The following CNBD1 variants were observed in gnomAD, a reference collection of about 807,000 sequenced individuals.
The protein encoded by CNBD1 is cyclic nucleotide-binding domain-containing protein 1.
A neutral mutation model predicts 54.4 loss-of-function variants in CNBD1; 71 were observed. That is an observed-to-expected ratio of 1.30 (90% confidence interval 1.08 to 1.59). CNBD1 has a LOEUF of 1.59. CNBD1 is among the 40% of genes most tolerant of loss of function. The pLI is 0.00. For synonymous variants in CNBD1, 182 were observed against 170.7 expected, an observed-to-expected ratio of 1.07 and a Z score of -0.51; for missense variants, 659 against 518.0, an observed-to-expected ratio of 1.27 and a Z score of -2.64.
In CNBD1 at chr8:87,137,170, A is replaced by G. The variant is rs1057297001; in HGVS notation, c.432-68823A>G. ...TATTTTTATTCTATATAAATTATAT[A>G]TATTATATTTTTATTCTATATAAAT... On this transcript the variant is annotated intron_variant, in intron 4 of 10. Transcript: ENST00000518476. Among the ~76,000 whole-genome samples the G allele has an allele frequency of 7.9e-5, 11 of 138,926 alleles. 1 individual carries two copies. The highest frequency in any genetic ancestry group is 6.6e-4 in the South Asian group (3 of 4,572). 91.1% of individuals were successfully genotyped at this position (138,926 alleles called of 152,430 possible).
At chr8:86,980,256 G>A (rs1808451520) in intron 4 of CNBD1, among the ~76,000 whole-genome samples, 1 of 152,214 alleles carries the variant, frequency 6.6e-6, no homozygotes, top group Non-Finnish European at 1.5e-5. Flanking sequence ...CCTTGACTGG[G>A]AGAAGTATTG....
intron 6 of CNBD1, among the ~76,000 whole-genome samples, chr8:87,250,422 C>CA (rs1807892138): frequency 6.6e-6 from 1 of 152,120 alleles, no homozygotes; most frequent in African/African-American, 2.4e-5. Context: ...GGGAGTTCCT[C>CA]AAAAATATAA....
intron 4 of CNBD1, among the ~76,000 whole-genome samples, chr8:87,181,368 A>G (rs1813307620): frequency 6.6e-6 from 1 of 152,194 alleles, no homozygotes; most frequent in Non-Finnish European, 1.5e-5. Context: ...CCTCACAAAG[A>G]TTCCTTGTGC....
At chr8:86,933,968 A>G (rs1014362393) in intron 3 of CNBD1, among the ~76,000 whole-genome samples, 1 of 152,136 alleles carries the variant, frequency 6.6e-6, no homozygotes, top group African/African-American at 2.4e-5. Flanking sequence ...GAACAGATTC[A>G]TAGTCTATTC....
chr8:87,041,586 CAGG>C (rs1810069285), intron 4 of CNBD1, among the ~76,000 whole-genome samples: 1 of 152,138 alleles, frequency 6.6e-6, no homozygotes, highest in Non-Finnish European at 1.5e-5. Flanking sequence ...ATCATGAGGT[CAGG>C]AGATCGAGAC....
At chr8:87,185,470 T>G (rs1813454075) in intron 4 of CNBD1, among the ~76,000 whole-genome samples, 1 of 152,218 alleles carries the variant, frequency 6.6e-6, no homozygotes, top group South Asian at 2.1e-4. Context: ...GTTAAGTTTA[T>G]TGGAAACACA....
intron 10 of CNBD1, among the ~76,000 whole-genome samples, chr8:87,381,169 A>G (rs1364245751): frequency 6.6e-6 from 1 of 152,114 alleles, no homozygotes. Context: ...AATATATAAG[A>G]CAATATTCCA....
At chr8:87,170,632 C>A (rs1813065976) in intron 4 of CNBD1, among the ~76,000 whole-genome samples, 1 of 152,026 alleles carries the variant, frequency 6.6e-6, no homozygotes, top group South Asian at 2.1e-4. Context: ...TCCTTCTACA[C>A]CTAGTTTTTT....
At chr8:87,090,896 T>A (rs1386784837) in intron 4 of CNBD1, among the ~76,000 whole-genome samples, 1 of 152,074 alleles carries the variant, frequency 6.6e-6, no homozygotes, top group Non-Finnish European at 1.5e-5. Context: ...ATCCCAGCAC[T>A]TTGGGAGGCC....
At chr8:87,408,732 C>T (rs531938102) in intron 2 of CNBD1, among the ~76,000 whole-genome samples, 3 of 152,008 alleles carry the variant, frequency 2.0e-5, no homozygotes, top group African/African-American at 7.2e-5. Flanking sequence ...TTTGTGTCTC[C>T]GTGTCACATG....
intron 8 of CNBD1, among the ~76,000 whole-genome samples, chr8:87,349,569 T>A (rs2130926373): frequency 6.6e-6 from 1 of 152,240 alleles, no homozygotes; most frequent in East Asian, 1.9e-4. Flanking sequence ...AGAGACGAGG[T>A]TTCGCCATGT....
rs145132014 is a variant in CNBD1 at position 87,395,660 on chromosome 8, G to T, written c.214-32886G>T. On this transcript the variant is annotated intron_variant, in intron 2 of 7. Transcript: ENST00000521593. ...AGAGGGGGTGGTATCACAGGCATAA[G>T]AACACAGTATTTCCCATGCATTTTA... Among the ~76,000 whole-genome samples the T allele has an allele frequency of 6.6e-5, 10 of 151,958 alleles. No individual in the cohort carries two copies. In the East Asian group the frequency reaches 1.7e-3, roughly 27 times the overall value.
At chr8:87,424,217 A>C (rs1438517910) in intron 2 of CNBD1, among the ~76,000 whole-genome samples, 1 of 151,910 alleles carries the variant, frequency 6.6e-6, no homozygotes, top group Non-Finnish European at 1.5e-5. Flanking sequence ...TGATCCTTTC[A>C]AAATACCAGC....
In CNBD1 at chr8:87,095,847, C is replaced by T. The variant is rs944892192; in HGVS notation, c.432-110146C>T. 3.9e-5 allele frequency among the ~76,000 whole-genome samples: 6 copies of T among 152,182 alleles called. No homozygotes were observed. In the East Asian group the frequency reaches 7.7e-4, roughly 20 times the overall value. On this transcript the variant is annotated intron_variant, in intron 4 of 10. Transcript: ENST00000518476. Reference sequence around the variant, plus strand: ...TATTTTTTTGTATTTTTAGTAGAGACGGGGGTCTCACTGTGTTAGCCAGGA... The same window carrying T: ...TATTTTTTTGTATTTTTAGTAGAGATGGGGGTCTCACTGTGTTAGCCAGGA...
chr8:87,391,865 T>C (rs1384532977), intron 2 of CNBD1, among the ~76,000 whole-genome samples: 2 of 152,046 alleles, frequency 1.3e-5, no homozygotes, highest in Non-Finnish European at 2.9e-5. Context: ...CAAAAACTTT[T>C]GTGCTGCAAA....
intron 10 of CNBD1, among the ~76,000 whole-genome samples, chr8:87,359,013 T>C (rs1350214462): frequency 6.6e-6 from 1 of 152,160 alleles, no homozygotes; most frequent in Non-Finnish European, 1.5e-5. Context: ...TGCTAATCTC[T>C]CTAAAAAACA....
chr8:87,343,163 C>T (rs1377865475), intron 8 of CNBD1, among the ~76,000 whole-genome samples: 2 of 152,198 alleles, frequency 1.3e-5, no homozygotes, highest in Admixed American at 1.3e-4. Context: ...ACCACGCAGG[C>T]AGTCAGACCT....
chr8:86,938,129 A>G (rs1312698979), intron 3 of CNBD1, among the ~76,000 whole-genome samples: 1 of 152,212 alleles, frequency 6.6e-6, no homozygotes, highest in African/African-American at 2.4e-5. Flanking sequence ...TCTAGGGAAG[A>G]TGCAAAATGC....
intron 5 of CNBD1, among the ~76,000 whole-genome samples, chr8:87,212,001 C>G (rs530342750): frequency 3.3e-5 from 5 of 151,974 alleles, no homozygotes; most frequent in African/African-American, 1.2e-4. Context: ...ATCCCTGACC[C>G]ACATGGATTA....
Sources: allele counts gnomAD v4.1 joint callset (sites outside exome capture counted in the v4.1 genomes callset), GRCh38; gene constraint gnomAD v4.1.1; transcripts MANE v1.5; gene names NCBI Gene and HGNC (gene_info 2026-07-23, HGNC 2026-07-21).